Variants in KCND3 observed in about 807,000 individuals in gnomAD.
The protein encoded by KCND3 is potassium voltage-gated channel subfamily D member 3, also known as A-type voltage-gated potassium channel KCND3.
KCND3 carries 9 observed loss-of-function variants against 51.1 expected under a neutral mutation model. The observed-to-expected ratio is 0.18, with a 90% CI of 0.11 to 0.31. The LOEUF (loss-of-function observed/expected upper bound fraction) is 0.31. KCND3 is among the 10% of genes least tolerant of loss of function. KCND3 has a pLI of 1.00. For synonymous variants in KCND3, 349 were observed against 368.0 expected, an observed-to-expected ratio of 0.95 and a Z score of 0.59; for missense variants, 526 against 903.8, an observed-to-expected ratio of 0.58 and a Z score of 5.36.
At chr1:111,887,039 A>C (rs1434143477) in intron 2 of KCND3, among the ~76,000 whole-genome samples, 1 of 152,148 alleles carries the variant, frequency 6.6e-6, no homozygotes. Flanking sequence ...CAGGGAAAGG[A>C]GTGAGGCATA....
At chr1:111,891,052 C>G (rs72692584) in intron 2 of KCND3, among the ~76,000 whole-genome samples, 11,641 of 152,208 alleles carry the variant, frequency 0.076, 488 homozygotes, top group East Asian at 0.17. Flanking sequence ...TGGGCACCAG[C>G]CTGCCAGGGG....
intron 2 of KCND3, among the ~76,000 whole-genome samples, chr1:111,856,183 G>A (rs1325436702): frequency 6.6e-6 from 1 of 152,224 alleles, no homozygotes; most frequent in Non-Finnish European, 1.5e-5. Flanking sequence ...AGGATAGCAG[G>A]GGTGTTTTCA....
chr1:111,818,190 TG>T (rs1194186084), intron 2 of KCND3, among the ~76,000 whole-genome samples: 1 of 151,876 alleles, frequency 6.6e-6, no homozygotes, highest in Non-Finnish European at 1.5e-5. Flanking sequence ...GCAGTTGGTG[TG>T]GGGAGGGGAT....
chr1:111,942,043 A>G (rs1672546882), intron 2 of KCND3, among the ~76,000 whole-genome samples: 3 of 152,154 alleles, frequency 2.0e-5, no homozygotes, highest in South Asian at 2.1e-4. Flanking sequence ...CTTGGAGTAT[A>G]AGAGAAAAAT....
At chr1:111,793,156 C>T (rs1199773254) in intron 2 of KCND3, among the ~76,000 whole-genome samples, 3 of 150,934 alleles carry the variant, frequency 2.0e-5, no homozygotes, top group Non-Finnish European at 2.9e-5. Context: ...TGAGCAATCA[C>T]ACCCAGCCAG....
At chr1:111,838,610 T>G (rs1214798233) in intron 2 of KCND3, among the ~76,000 whole-genome samples, 1 of 151,924 alleles carries the variant, frequency 6.6e-6, no homozygotes, top group African/African-American at 2.4e-5. Context: ...TGAGCCGAGA[T>G]CGCACCACTG....
intron 2 of KCND3, among the ~76,000 whole-genome samples, chr1:111,861,098 C>G (rs1248925688): frequency 2.0e-5 from 3 of 152,090 alleles, no homozygotes; most frequent in Non-Finnish European, 4.4e-5. Flanking sequence ...GGGGTCAACT[C>G]ACCAGTTCTC....
chr1:111,852,907 C>T (rs1375977968), intron 2 of KCND3, among the ~76,000 whole-genome samples: 4 of 152,188 alleles, frequency 2.6e-5, no homozygotes, highest in Non-Finnish European at 5.9e-5. Context: ...TGCTCTCCCA[C>T]AGCACCCTTT....
intron 2 of KCND3, among the ~76,000 whole-genome samples, chr1:111,955,844 C>T (rs991685073): frequency 1.3e-5 from 2 of 152,166 alleles, no homozygotes; most frequent in African/African-American, 4.8e-5. Flanking sequence ...AGCATGAGGA[C>T]GCCATTTCTG....
chr1:111,832,836 C>A (rs1434880658), intron 2 of KCND3, among the ~76,000 whole-genome samples: 1 of 152,234 alleles, frequency 6.6e-6, no homozygotes, highest in Non-Finnish European at 1.5e-5. Context: ...CCGCTCTGTT[C>A]CCTATGGTTG....
At chr1:111,951,356 C>A (rs1396604373) in intron 2 of KCND3, among the ~76,000 whole-genome samples, 1 of 152,042 alleles carries the variant, frequency 6.6e-6, no homozygotes, top group Non-Finnish European at 1.5e-5. Flanking sequence ...CTTGCCCATA[C>A]CTCAGTTCTG....
chr1:111,965,594 A>C (rs529821725), intron 2 of KCND3, among the ~76,000 whole-genome samples: 9 of 152,064 alleles, frequency 5.9e-5, no homozygotes, highest in Non-Finnish European at 1.3e-4. Flanking sequence ...CATGTGATTT[A>C]CACCCTCCTA....
chr1:111,940,073 G>GTTT (rs61088602), intron 2 of KCND3, among the ~76,000 whole-genome samples: 3,247 of 85,292 alleles, frequency 0.038, 170 homozygotes, highest in Middle Eastern at 0.058. Flanking sequence ...CTTTTTGATG[G>GTTT]TTTTTTTTTT....
At chr1:111,954,101 T>A (rs1489191046) in intron 2 of KCND3, among the ~76,000 whole-genome samples, 1 of 152,134 alleles carries the variant, frequency 6.6e-6, no homozygotes, top group Non-Finnish European at 1.5e-5. Flanking sequence ...GGAAGGCCCC[T>A]CAGATGGCCC....
intron 2 of KCND3, among the ~76,000 whole-genome samples, chr1:111,808,257 C>T (rs1306180608): frequency 6.6e-6 from 1 of 152,214 alleles, no homozygotes; most frequent in African/African-American, 2.4e-5. Context: ...TTTCAGAAAA[C>T]CTTTTCTGAT....
rs1362159831 is a variant in KCND3 at position 111,780,267 on chromosome 1, C to G, written c.1419G>C (p.Glu473Asp). 4.4e-6 allele frequency: 7 copies of G among 1,588,542 alleles called. No individual in the cohort carries two copies. Among genetic ancestry groups the G allele is most frequent in the African/African-American group, 2.7e-5 (2 of 74,576 alleles). ...AGTGCAGCAGGTGATGATGCTGGCT[C>G]TCGATGAGTGAGGTGGTCTTGCCCA... ...EHMGKTTSLI[E>D]SQHHHLLHCL... The change falls in exon 5 of 8, where the codon GAG becomes GAC. Residue 473 changes from glutamate to aspartate, a missense_variant. Coordinates refer to ENST00000302127, the MANE Select transcript of KCND3 (RefSeq NM_001378969.1). The surrounding 1 kb of genome is among the most constrained non-coding windows in gnomAD (Gnocchi z 4.2).
intron 2 of KCND3, among the ~76,000 whole-genome samples, chr1:111,850,274 C>A (rs923736618): frequency 1.3e-5 from 2 of 152,150 alleles, no homozygotes; most frequent in African/African-American, 4.8e-5. Flanking sequence ...TAGAGAAGCC[C>A]AAATTGCCTG....
rs1664238005 is a variant in KCND3 at position 111,778,593 on chromosome 1, C to T, written c.1462-101G>A. On this transcript the variant is annotated intron_variant, in intron 5 of 7. Transcript: ENST00000302127. ...ATTCAATCTCTTGATCCCGGCATTC[C>T]ACCCTTTGAGTCAAACATTCCACCC... 12 of 1,136,882 alleles carry T rather than the reference C, an allele frequency of 1.1e-5. No individual in the cohort carries two copies. The East Asian group carries it at 2.6e-4, about 25-fold the overall frequency. 70.4% of individuals were successfully genotyped at this position (1,136,882 alleles called of 1,614,324 possible).
chr1:111,780,093 G>T lies in KCND3; in HGVS notation c.1461+132C>A. 2.0e-6 allele frequency: 2 copies of T among 1,008,654 alleles called. No homozygotes were observed. Among genetic ancestry groups the T allele is most frequent in the South Asian group, 1.4e-5 (1 of 72,680 alleles). 62.5% of individuals were successfully genotyped at this position (1,008,654 alleles called of 1,614,324 possible). A position where few individuals can be genotyped will look rare whatever the true frequency, so the allele number is the denominator to read the frequency against. On this transcript the variant is annotated intron_variant, in intron 5 of 7. Coordinates refer to ENST00000302127, the MANE Select transcript of KCND3 (RefSeq NM_001378969.1). The surrounding 1 kb of genome is among the most constrained non-coding windows in gnomAD (Gnocchi z 4.2). Reference sequence around the variant, plus strand: ...AGGGTCTTCCACCTGAGGGCCAGTAGATCCCATCACTACCTTTTGGATCTG... The same window carrying T: ...AGGGTCTTCCACCTGAGGGCCAGTATATCCCATCACTACCTTTTGGATCTG...
Sources: gnomAD v4.1 joint callset for allele counts (sites outside exome capture counted in the v4.1 genomes callset) on GRCh38, gnomAD v4.1.1 for gene constraint, Gnocchi (gnomAD v3.1) non-coding constraint, MANE v1.5 for transcripts, NCBI Gene and HGNC (gene_info 2026-07-23, HGNC 2026-07-21) for gene names.